Variants in PPP3CB observed in about 807,000 individuals in gnomAD.
The protein encoded by PPP3CB is serine/threonine-protein phosphatase 2B catalytic subunit beta isoform.
A neutral mutation model predicts 66.4 loss-of-function variants in PPP3CB; 8 were observed. The ratio of observed to expected loss-of-function variants is 0.12; its 90% CI spans 0.07 to 0.22. PPP3CB has a LOEUF of 0.22. Among genes scored for constraint, PPP3CB ranks in the 10% least tolerant of loss-of-function variants. The probability of loss-of-function intolerance (pLI) is 1.00; values close to 1 mark genes in which losing one functional copy is unlikely to be tolerated. For synonymous variants in PPP3CB, 208 were observed against 221.2 expected, an observed-to-expected ratio of 0.94 and a Z score of 0.53; for missense variants, 319 against 642.5, an observed-to-expected ratio of 0.50 and a Z score of 5.44.
At chr10:73,462,163 T>TTTTC (rs915528125) in intron 9 of PPP3CB, among the ~76,000 whole-genome samples, 2 of 139,740 alleles carry the variant, frequency 1.4e-5, no homozygotes, top group Non-Finnish European at 3.0e-5. Flanking sequence ...TTTTTTTTTT[T>TTTTC]TTTCAGATAG....
chr10:73,452,608 A>G (rs2056364618), intron 10 of PPP3CB, among the ~76,000 whole-genome samples: 1 of 151,860 alleles, frequency 6.6e-6, no homozygotes, highest in Non-Finnish European at 1.5e-5. Flanking sequence ...AGGCAGGAGA[A>G]TTGCTTGAAC....
intron 9 of PPP3CB, among the ~76,000 whole-genome samples, chr10:73,464,989 T>A (rs1234718266): frequency 1.3e-5 from 2 of 152,168 alleles, no homozygotes; most frequent in African/African-American, 4.8e-5. Context: ...TTTGTACTTT[T>A]AAAATGTGAC....
chr10:73,486,395 T>C (rs2056979366), intron 1 of PPP3CB, among the ~76,000 whole-genome samples: 1 of 142,938 alleles, frequency 7.0e-6, no homozygotes, highest in Admixed American at 7.1e-5. Flanking sequence ...AACGTCTGCC[T>C]CCCAGGTTCA....
chr10:73,495,873 G>T lies in PPP3CB; in HGVS notation c.17C>A (p.Pro6Gln). ...GGGTGGGGGCGGTGCAGCCCGGGCC[G>T]GCTCCGGGGCGGCCATGCTGGGCCC... MAAPE[P>Q]ARAAPPPPPP... The change falls in exon 1 of 14, where the codon CCG becomes CAG. Residue 6 changes from proline to glutamine, a missense_variant. Pro to Gln is a moderately conservative substitution (Grantham distance 76, BLOSUM62 -1). Around this residue, in one of 5 missense-constraint regions of PPP3CB, gnomAD observed 104 missense variants for 128.4 expected, o/e 0.81. Coordinates refer to ENST00000360663, the MANE Select transcript of PPP3CB (RefSeq NM_021132.4). 1 of 1,360,078 alleles carries T rather than the reference G, an allele frequency of 7.4e-7. No individual in the cohort carries two copies. The highest frequency in any genetic ancestry group is 1.7e-5 in the South Asian group (1 of 58,966). The allele number at this position is 1,360,078 out of a possible 1,614,324, so 84.3% of individuals were successfully genotyped here. A position where few individuals can be genotyped will look rare whatever the true frequency, so the allele number is the denominator to read the frequency against.
chr10:73,484,963 G>C (rs1189908991), intron 1 of PPP3CB, among the ~76,000 whole-genome samples: 1 of 152,106 alleles, frequency 6.6e-6, no homozygotes, highest in East Asian at 1.9e-4. Context: ...TGAGGCAGGA[G>C]AATTGCTTGA....
At position 73,453,618 on chromosome 10, in the gene PPP3CB, T is replaced by C. The variant is rs1333685653; in HGVS notation, c.1186+794A>G. 2.0e-5 allele frequency among the ~76,000 whole-genome samples: 3 copies of C among 152,118 alleles called. No individual in the cohort carries two copies. In the East Asian group the frequency reaches 5.8e-4, roughly 29 times the overall value. On this transcript the variant is annotated intron_variant, in intron 10 of 13. Coordinates refer to ENST00000360663, the MANE Select transcript of PPP3CB (RefSeq NM_021132.4). ...ATACGTAGCTATTAAATCTTACCAA[T>C]ATACAGACCATGTTTAATACACGGA...
intron 12 of PPP3CB, 26 bp downstream of exon 12, chr10:73,444,699 C>T (rs1456393932): frequency 6.2e-7 from 1 of 1,613,960 alleles, no homozygotes; most frequent in East Asian, 2.2e-5. Flanking sequence ...CCATCTGAGG[C>T]ACAGCAAGTT....
intron 12 of PPP3CB, among the ~76,000 whole-genome samples, chr10:73,442,087 A>T (rs767376957): frequency 2.0e-5 from 3 of 152,226 alleles, no homozygotes; most frequent in Non-Finnish European, 2.9e-5. Flanking sequence ...TATTTGTTTC[A>T]AAGTGGATTT....
At chr10:73,452,686 ACT>A (rs1231856229) in intron 10 of PPP3CB, among the ~76,000 whole-genome samples, 2 of 150,892 alleles carry the variant, frequency 1.3e-5, no homozygotes, top group Non-Finnish European at 3.0e-5. Context: ...ACAGAGCAAG[ACT>A]CTGTCTCAAA....
At chr10:73,492,111 C>T (rs1484277678) in intron 1 of PPP3CB, among the ~76,000 whole-genome samples, 7 of 152,092 alleles carry the variant, frequency 4.6e-5, no homozygotes, top group Non-Finnish European at 1.0e-4. Context: ...CTAACGTTGT[C>T]AATCAGAAAT....
Position 73,443,270 on chromosome 10 carries a change from AAGAAAGAAAGAAAGAC to A in PPP3CB, c.1366+1439_1366+1454del, listed in dbSNP as rs879575212. Among the ~76,000 whole-genome samples, 272 of 128,858 alleles carry A rather than the reference AAGAAAGAAAGAAAGAC, an allele frequency of 2.1e-3. 1 individual carries two copies. Among genetic ancestry groups the A allele is most frequent in the Middle Eastern group, 0.014 (4 of 278 alleles). The allele number at this position is 128,858 out of a possible 152,430, so 84.5% of individuals were successfully genotyped here. A position where few individuals can be genotyped will look rare whatever the true frequency, so the allele number is the denominator to read the frequency against. On this transcript the variant is annotated intron_variant, in intron 12 of 13. Coordinates refer to ENST00000360663, the MANE Select transcript of PPP3CB (RefSeq NM_021132.4). ...AGAGAAAGAGAGAGAGAGAGAGAGA[AAGAAAGAAAGAAAGAC>A]AGAAAGAAAGAAAGAAAGAAAGAAA... is the stretch of plus-strand genomic sequence containing the variant.
At chr10:73,491,535 C>A (rs1286063417) in intron 1 of PPP3CB, among the ~76,000 whole-genome samples, 2 of 152,140 alleles carry the variant, frequency 1.3e-5, no homozygotes, top group Non-Finnish European at 2.9e-5. Flanking sequence ...ATTTCTAGTT[C>A]TTTTTACACA....
At chr10:73,488,450 G>A (rs554024181) in intron 1 of PPP3CB, among the ~76,000 whole-genome samples, 9 of 151,686 alleles carry the variant, frequency 5.9e-5, no homozygotes, top group Admixed American at 2.6e-4. Context: ...GGGAGGCTGA[G>A]TTGGGGGATC....
At chr10:73,447,972 G>T (rs2056285473) in intron 10 of PPP3CB, among the ~76,000 whole-genome samples, 1 of 151,640 alleles carries the variant, frequency 6.6e-6, no homozygotes, top group African/African-American at 2.4e-5. Flanking sequence ...AGAGACAATG[G>T]AGATACTATA....
intron 9 of PPP3CB, among the ~76,000 whole-genome samples, chr10:73,456,410 A>C (rs1384415033): frequency 1.3e-5 from 2 of 152,218 alleles, no homozygotes; most frequent in Non-Finnish European, 2.9e-5. Flanking sequence ...TTTGAGAGGA[A>C]TCATGAACTA....
chr10:73,461,594 A>T (rs980119878), intron 9 of PPP3CB, among the ~76,000 whole-genome samples: 1 of 152,260 alleles, frequency 6.6e-6, no homozygotes, highest in East Asian at 1.9e-4. Flanking sequence ...AGGTCTTGGA[A>T]ATAATTTGTC....
intron 1 of PPP3CB, among the ~76,000 whole-genome samples, chr10:73,486,848 C>A (rs763597615): frequency 1.3e-5 from 2 of 152,168 alleles, no homozygotes; most frequent in Non-Finnish European, 2.9e-5. Context: ...TGCCTTCTGG[C>A]TAGTTTACCC....
chr10:73,487,731 C>T (rs534178860), intron 1 of PPP3CB, among the ~76,000 whole-genome samples: 1 of 151,826 alleles, frequency 6.6e-6, no homozygotes, highest in South Asian at 2.1e-4. Flanking sequence ...CTTTCACATA[C>T]ATAATCCTAC....
chr10:73,478,416 A>C, intron 3 of PPP3CB, 83 bp downstream of exon 3: 1 of 1,277,884 alleles, frequency 7.8e-7, no homozygotes, highest in Non-Finnish European at 1.1e-6. Flanking sequence ...AACCTAACAC[A>C]GGTACTTGTG....
Sources: gnomAD v4.1 joint callset for allele counts (sites outside exome capture counted in the v4.1 genomes callset) on GRCh38, gnomAD v4.1.1 for gene constraint, gnomAD v4.1.1 regional missense constraint, MANE v1.5 for transcripts, NCBI Gene and HGNC (gene_info 2026-07-23, HGNC 2026-07-21) for gene names.